Variants in ZNF277 observed in about 807,000 individuals in gnomAD.
ZNF277 encodes the protein zinc finger protein 277, also known as nuclear receptor-interacting factor 4.
Under a neutral mutation model 60.7 loss-of-function variants are expected in ZNF277, and 55 were observed. That is an observed-to-expected ratio of 0.91 (90% CI 0.73 to 1.13). The LOEUF is 1.13. Ranked by LOEUF, ZNF277 falls within the 50% of genes most tolerant of loss-of-function variation. The pLI, the probability that ZNF277 is intolerant of heterozygous loss-of-function variation, is 0.00. For missense variants in ZNF277, 510 were observed against 523.0 expected, an observed-to-expected ratio of 0.98 and a Z score of 0.24; for synonymous variants, 178 against 179.3, an observed-to-expected ratio of 0.99 and a Z score of 0.06.
intron 4 of ZNF277, among the ~76,000 whole-genome samples, chr7:112,299,160 A>G (rs1792418755): frequency 6.6e-6 from 1 of 152,198 alleles, no homozygotes; most frequent in Non-Finnish European, 1.5e-5. Context: ...TCACAATTTT[A>G]TGCTACATAG....
chr7:112,239,380 G>T (rs1790886187), intron 1 of ZNF277, among the ~76,000 whole-genome samples: 1 of 152,144 alleles, frequency 6.6e-6, no homozygotes, highest in Admixed American at 6.5e-5. Context: ...GGAGCCCTAG[G>T]GCTCAGTGGT....
intron 5 of ZNF277, among the ~76,000 whole-genome samples, chr7:112,325,322 G>A (rs1045126842): frequency 1.1e-4 from 16 of 152,254 alleles, no homozygotes; most frequent in Non-Finnish European, 1.8e-4. Context: ...GGGACCAAGT[G>A]CAGACTGTTA....
intron 2 of ZNF277, chr7:112,288,607 C>T (rs567191824): frequency 2.0e-5 from 3 of 152,408 alleles, no homozygotes; most frequent in South Asian, 2.1e-4. Flanking sequence ...TTGAATATTA[C>T]ATAAAACAAA....
At chr7:112,223,668 G>A (rs1489847233) in intron 1 of ZNF277, among the ~76,000 whole-genome samples, 5 of 152,142 alleles carry the variant, frequency 3.3e-5, no homozygotes, top group Non-Finnish European at 7.4e-5. Flanking sequence ...AAATCCCAAG[G>A]CTCCCACAAA....
At chr7:112,241,006 A>T (rs1587107730) in intron 1 of ZNF277, among the ~76,000 whole-genome samples, 1 of 152,268 alleles carries the variant, frequency 6.6e-6, no homozygotes, top group East Asian at 1.9e-4. Flanking sequence ...GACAGATGGG[A>T]TCATATCAAA....
At chr7:112,284,369 T>TTTAG (rs1381738968) in intron 1 of ZNF277, among the ~76,000 whole-genome samples, 3 of 152,242 alleles carry the variant, frequency 2.0e-5, no homozygotes, top group Non-Finnish European at 4.4e-5. Flanking sequence ...ATTACTAATG[T>TTTAG]TACCTTTATT....
chr7:112,216,566 CA>C (rs1337090194), intron 1 of ZNF277, among the ~76,000 whole-genome samples: 1 of 152,200 alleles, frequency 6.6e-6, no homozygotes, highest in Non-Finnish European at 1.5e-5. Context: ...ACCTCAGCCT[CA>C]TAAAGCGCTA....
chr7:112,283,060 A>G (rs576473183), intron 1 of ZNF277, among the ~76,000 whole-genome samples: 7 of 152,356 alleles, frequency 4.6e-5, no homozygotes, highest in African/African-American at 1.7e-4. Context: ...AAAGACAACT[A>G]GGACTTACTT....
chr7:112,330,511 A>T (rs1584416751), intron 7 of ZNF277: 3 of 262,458 alleles, frequency 1.1e-5, no homozygotes, highest in South Asian at 1.6e-4. Context: ...TCCCCCATTT[A>T]TGTAATATCT....
rs560119172 is a variant in ZNF277 at position 112,232,604 on chromosome 7, G to T, written c.91+25797G>T. ...CAAGGATTGAAACGGTCTGCTCCCT[G>T]GGATGCACTTTCCTCAAGATCCCCT... On this transcript the variant is annotated intron_variant, in intron 1 of 11. Coordinates refer to ENST00000361822, the MANE Select transcript of ZNF277 (RefSeq NM_021994.3). 1.2e-4 allele frequency among the ~76,000 whole-genome samples: 18 copies of T among 152,244 alleles called. No individual in the cohort carries two copies. The South Asian group carries it at 3.5e-3, about 30-fold the overall frequency.
At position 112,327,317 on chromosome 7, in the gene ZNF277, C is replaced by T. The variant is rs79532725; in HGVS notation, c.558-400C>T. Among the ~76,000 whole-genome samples the T allele has an allele frequency of 2.1e-4, 32 of 152,214 alleles. No homozygotes were observed. The East Asian group carries it at 5.8e-3, about 28-fold the overall frequency. ...CGCATGCACAGTTTACAAAAGGGTT[C>T]GCGCTCCTATGAGAATCTAATGCCA... On this transcript the variant is annotated intron_variant, in intron 5 of 11. Transcript: ENST00000361822.
intron 1 of ZNF277, among the ~76,000 whole-genome samples, chr7:112,217,951 G>A (rs921885192): frequency 3.9e-5 from 6 of 151,928 alleles, no homozygotes; most frequent in Admixed American, 2.0e-4. Flanking sequence ...AGACAAGTTC[G>A]ACTCCCTACG....
At chr7:112,302,712 A>G (rs1792505237) in intron 4 of ZNF277, among the ~76,000 whole-genome samples, 1 of 152,102 alleles carries the variant, frequency 6.6e-6, no homozygotes, top group African/African-American at 2.4e-5. Flanking sequence ...TAAAATTTAC[A>G]GGACAATTTG....
chr7:112,269,214 T>A (rs1791613585), intron 1 of ZNF277, among the ~76,000 whole-genome samples: 1 of 151,540 alleles, frequency 6.6e-6, no homozygotes, highest in African/African-American at 2.4e-5. Flanking sequence ...TTTTTTGTTT[T>A]TTTTTTGTTT....
chr7:112,290,080 C>T (rs1172601993), intron 2 of ZNF277, among the ~76,000 whole-genome samples: 1 of 152,194 alleles, frequency 6.6e-6, no homozygotes, highest in Non-Finnish European at 1.5e-5. Context: ...CCCACCTCGG[C>T]CTCCTGAAGT....
chr7:112,310,661 T>C (rs1792710484), intron 4 of ZNF277, among the ~76,000 whole-genome samples: 1 of 152,078 alleles, frequency 6.6e-6, no homozygotes, highest in Non-Finnish European at 1.5e-5. Flanking sequence ...TCCATGGTTC[T>C]TAAAATAAAA....
At chr7:112,305,741 G>A (rs184873735) in intron 4 of ZNF277, among the ~76,000 whole-genome samples, 3 of 152,124 alleles carry the variant, frequency 2.0e-5, no homozygotes, top group South Asian at 4.2e-4. Flanking sequence ...GGACTAGATA[G>A]CAAAGAAGCA....
intron 4 of ZNF277, among the ~76,000 whole-genome samples, chr7:112,308,642 G>C (rs1792654217): frequency 6.6e-6 from 1 of 152,072 alleles, no homozygotes; most frequent in African/African-American, 2.4e-5. Flanking sequence ...ATTCTCTTCA[G>C]TCATTTTTGA....
At chr7:112,284,365 A>C (rs1584376413) in intron 1 of ZNF277, among the ~76,000 whole-genome samples, 1 of 152,356 alleles carries the variant, frequency 6.6e-6, no homozygotes, top group South Asian at 2.1e-4. Flanking sequence ...AATAATTACT[A>C]ATGTTACCTT....
Sources: allele counts gnomAD v4.1 joint callset (sites outside exome capture counted in the v4.1 genomes callset), GRCh38; gene constraint gnomAD v4.1.1; transcripts MANE v1.5; gene names NCBI Gene and HGNC (gene_info 2026-07-23, HGNC 2026-07-21).